The following MAN2C1 variants were observed in gnomAD, a reference collection of about 807,000 sequenced individuals.
MAN2C1 encodes the protein alpha-mannosidase 2C1.
A neutral mutation model predicts 126.9 loss-of-function variants in MAN2C1; 111 were observed. The ratio of observed to expected loss-of-function variants is 0.87; its 90% CI spans 0.75 to 1.02. The LOEUF is 1.02. Ranked by LOEUF, MAN2C1 falls within the 50% of genes least tolerant of loss-of-function variation. The pLI is 0.00. For synonymous variants in MAN2C1, 567 were observed against 561.5 expected, an observed-to-expected ratio of 1.01 and a Z score of -0.14; for missense variants, 1,363 against 1,364.4, an observed-to-expected ratio of 1.00 and a Z score of 0.02.
rs2072286303 is a variant in MAN2C1, at chr15:75,356,140, T to C, written c.2966A>G (p.His989Arg). ...GGCCTCCTGAACCGGCAGCGACAAG[T>C]GCAGCCAGCAGTCCACGTGGCTGCC... ...AHGSHVDCWL[H>R]LSLPVQEAIL... Residue 989 changes from histidine (H) to arginine (R), a missense_variant, in exon 25 of 26, where the codon CAC (histidine) becomes CGC (arginine). Coordinates refer to ENST00000267978, the MANE Select transcript of MAN2C1 (RefSeq NM_006715.4). The surrounding 1 kb of genome is among the most constrained non-coding windows in gnomAD (Gnocchi z 5.8). 1 of 1,613,672 alleles carries C rather than the reference T, an allele frequency of 6.2e-7. No homozygotes were observed. Among genetic ancestry groups the C allele is most frequent in the Non-Finnish European group, 8.5e-7 (1 of 1,179,986 alleles).
At position 75,368,079 on chromosome 15, in the gene MAN2C1, C is replaced by T. The variant is rs1346675630; in HGVS notation, c.221G>A (p.Gly74Glu). Residue 74 changes from glycine (G) to glutamate (E), a missense_variant, in exon 2 of 26, where the codon GGA (glycine) becomes GAA (glutamate). By Grantham distance (98) the Gly-to-Glu change is moderately conservative (BLOSUM62 -2). Transcript: ENST00000267978. ...FRPAQVGDSF[G>E]PTWWTCWFRV... ...CCCGCTGGGCGTTACCTACGTGGGT[C>T]CGAAGCTGTCGCCGACCTGCGCGGG... The T allele has an allele frequency of 1.2e-6, 2 of 1,606,650 alleles. No individual in the cohort carries two copies. The highest frequency in any genetic ancestry group is 2.2e-5 in the East Asian group (1 of 44,652).
At chr15:75,363,873 G>C (rs916034225) in intron 6 of MAN2C1, 126 bp downstream of exon 6, 3 of 1,030,056 alleles carry the variant, frequency 2.9e-6, no homozygotes, top group Non-Finnish European at 2.8e-6. Flanking sequence ...CCGTTTTACA[G>C]ACGGGGAAAA....
In MAN2C1 at chr15:75,359,714, C is replaced by T. The variant is rs764139426; in HGVS notation, c.1854G>A (p.Glu618=). 2 of 1,614,158 alleles carry T rather than the reference C, an allele frequency of 1.2e-6. No homozygotes were observed. The highest frequency in any genetic ancestry group is 2.2e-5 in the South Asian group (2 of 91,090). The part of the protein sequence containing the change: ...SAAAAALCAG[E]PGPEGLLIVN... ...CGATGAGGAGGCCCTCAGGACCTGG[C>T]TCCCCAGCACACAGGGCTGCGGCTG... is the stretch of plus-strand genomic sequence containing the variant. The change falls in exon 16 of 26, where the codon GAG becomes GAA. Residue 618 remains glutamate, a synonymous_variant. Coordinates refer to ENST00000267978, the MANE Select transcript of MAN2C1 (RefSeq NM_006715.4).
chr15:75,358,617 T>C lies in MAN2C1; in HGVS notation c.2248A>G (p.Lys750Glu), dbSNP rs979580705. Residue 750 changes from lysine to glutamate, a missense_variant and splice_region_variant, in exon 20 of 26, where the codon AAG becomes GAG. Coordinates refer to ENST00000267978, the MANE Select transcript of MAN2C1 (RefSeq NM_006715.4). ...DVMDYHLETRKPVLGQAGTLA... is the reference protein window; with the variant it reads ...DVMDYHLETREPVLGQAGTLA... ...GTCCCTGCCTGGCCCAGCACAGGCT[T>C]CCTATGGGACAGGGGTGGACATACT... is the stretch of plus-strand genomic sequence containing the variant. 1.2e-6 allele frequency: 2 copies of C among 1,612,944 alleles called. No individual in the cohort carries two copies. Among genetic ancestry groups the C allele is most frequent in the South Asian group, 1.1e-5 (1 of 91,026 alleles).
chr15:75,361,186 C>A lies in MAN2C1; in HGVS notation c.1320G>T (p.Leu440=). Residue 440 remains leucine, a synonymous_variant, in exon 12 of 26, where the codon CTG becomes CTT. Transcript: ENST00000267978. The surrounding 1 kb of genome is among the most constrained non-coding windows in gnomAD (Gnocchi z 5.0). ...YGMQGSVEEV[L]KTVANNRDKG... ...TGTCCCGGTTGTTGGCCACGGTCTT[C>A]AGCACCTAGACAGGTGAGGGCAGGC... 1.2e-5 allele frequency: 20 copies of A among 1,612,250 alleles called. No individual in the cohort carries two copies. Among genetic ancestry groups the A allele is most frequent in the Non-Finnish European group, 1.7e-5 (20 of 1,179,420 alleles).
chr15:75,362,354 AG>A lies in MAN2C1; in HGVS notation c.996del (p.Trp333GlyfsTer15). ...CRGQFVPVGG[T>X]WVEMDGNLPS... ...CCCAGTGCACTTACCATCTCCACCC[AG>A]GTGCCCCCCACAGGCACAAACTGCC... On this transcript the variant is annotated frameshift_variant, in exon 8 of 26. Coordinates refer to ENST00000267978, the MANE Select transcript of MAN2C1 (RefSeq NM_006715.4). LOFTEE classifies it high-confidence loss of function. This position sits in a 1 kb window ranked among gnomAD's most constrained non-coding sequence, Gnocchi z 4.5. 1 of 1,613,800 alleles carries A rather than the reference AG, an allele frequency of 6.2e-7. No homozygotes were observed. The highest frequency in any genetic ancestry group is 8.5e-7 in the Non-Finnish European group (1 of 1,179,902).
chr15:75,358,452 C>G lies in MAN2C1; in HGVS notation c.2403+10G>C. On this transcript the variant is annotated intron_variant, in intron 20 of 25. Coordinates refer to ENST00000267978, the MANE Select transcript of MAN2C1 (RefSeq NM_006715.4). ...TTGGGGAAAACAGCCACCCCCTACC[C>G]CCCGACTACCTCGGTGTGGAAGCGG... is the stretch of plus-strand genomic sequence containing the variant. The G allele has an allele frequency of 6.2e-7, 1 of 1,613,384 alleles. No individual in the cohort carries two copies. Among genetic ancestry groups the G allele is most frequent in the Non-Finnish European group, 8.5e-7 (1 of 1,179,828 alleles).
At chr15:75,366,057 A>C (rs1032932251) in intron 4 of MAN2C1, 11 of 332,306 alleles carry the variant, frequency 3.3e-5, no homozygotes, top group Non-Finnish European at 3.5e-5. Context: ...ACTGTACTCC[A>C]GCATCGGCGA....
In MAN2C1 at chr15:75,362,515, T is replaced by A; in HGVS notation, c.898-62A>T. On this transcript the variant is annotated intron_variant, in intron 7 of 25. Transcript: ENST00000267978. This position sits in a 1 kb window ranked among gnomAD's most constrained non-coding sequence, Gnocchi z 4.5. The stretch of plus-strand genomic sequence containing the variant: ...CAAGGGCCCCACCCAGGACTGAGCA[T>A]ATGGGACTCAGTGTGTGGCTGAGGG... The A allele has an allele frequency of 6.6e-7, 1 of 1,518,798 alleles. No homozygotes were observed. The highest frequency in any genetic ancestry group is 1.2e-5 in the South Asian group (1 of 85,912). 94.1% of individuals were successfully genotyped at this position (1,518,798 alleles called of 1,614,324 possible).
chr15:75,367,575 TC>T lies in MAN2C1; in HGVS notation c.286del (p.Glu96LysfsTer24). 6.2e-7 allele frequency: 1 copy of T among 1,614,194 alleles called. No homozygotes were observed. The highest frequency in any genetic ancestry group is 8.5e-7 in the Non-Finnish European group (1 of 1,180,040). On this transcript the variant is annotated frameshift_variant, in exon 3 of 26. Coordinates refer to ENST00000267978, the MANE Select transcript of MAN2C1 (RefSeq NM_006715.4). LOFTEE classifies it high-confidence loss of function. ...ATCACTTTCCCAGCAAAGGTGAACT[TC>T]CTGGCCCACCCATGCCTCTGGGATG... is the stretch of plus-strand genomic sequence containing the variant. The part of the protein sequence containing the change: ...LTIPEAWVGQ[E>X]VHLCWESDGE...
rs748279013 is a variant in MAN2C1 at position 75,366,602 on chromosome 15, AG to A, written c.352-11del. The A allele has an allele frequency of 3.7e-6, 6 of 1,605,056 alleles. No homozygotes were observed. The highest frequency in any genetic ancestry group is 1.3e-5 in the African/African-American group (1 of 74,648). ...CCTCTTTGGTTAAACCCTAGTAGGG[AG>A]GGGAGTGAGAGAGACAAGGCTTGAG... On this transcript the variant is annotated splice_polypyrimidine_tract_variant and intron_variant, in intron 3 of 25. Coordinates refer to ENST00000267978, the MANE Select transcript of MAN2C1 (RefSeq NM_006715.4).
chr15:75,364,066 G>C lies in MAN2C1; in HGVS notation c.723C>G (p.Phe241Leu). 6.2e-7 allele frequency: 1 copy of C among 1,614,194 alleles called. No homozygotes were observed. Among genetic ancestry groups the C allele is most frequent in the Non-Finnish European group, 8.5e-7 (1 of 1,180,024 alleles). The change falls in exon 6 of 26, where the codon TTC (phenylalanine) becomes TTG (leucine). Residue 241 changes from phenylalanine (F) to leucine (L), a missense_variant. Phe to Leu is a conservative substitution (Grantham distance 22, BLOSUM62 0). Transcript: ENST00000267978. ...FPVAQALASR[F>L]FGQHGGESQH... is the part of the protein sequence containing the mutation. ...GGCTTTCACCCCCATGTTGGCCAAA[G>C]AACCTGGAGGCCAGGGCCTGGGCCA...
At position 75,361,205 on chromosome 15, in the gene MAN2C1, G is replaced by A. The variant is rs2072461012; in HGVS notation, c.1315-14C>T. ...GGTCTTCAGCACCTAGACAGGTGAG[G>A]GCAGGCCAGCATGGATCAGCCTGGA... is the stretch of plus-strand genomic sequence containing the variant. On this transcript the variant is annotated splice_polypyrimidine_tract_variant and intron_variant, in intron 11 of 25. Coordinates refer to ENST00000267978, the MANE Select transcript of MAN2C1 (RefSeq NM_006715.4). This position sits in a 1 kb window ranked among gnomAD's most constrained non-coding sequence, Gnocchi z 5.0. 6.2e-7 allele frequency: 1 copy of A among 1,609,560 alleles called. No homozygotes were observed. Among genetic ancestry groups the A allele is most frequent in the Non-Finnish European group, 8.5e-7 (1 of 1,178,454 alleles).
At chr15:75,360,765 A>C (rs1396336896) in intron 12 of MAN2C1, 77 bp from the exon 13 acceptor site, 2 of 1,564,504 alleles carry the variant, frequency 1.3e-6, no homozygotes, top group African/African-American at 2.7e-5. Context: ...AAAGCAAAGG[A>C]TCCAGCTCCT....
chr15:75,363,630 A>C, intron 6 of MAN2C1: 1 of 330,138 alleles, frequency 3.0e-6, no homozygotes, highest in Non-Finnish European at 5.8e-6. Context: ...ACGTGGTGAA[A>C]CCCCGTCTCT....
Position 75,356,997 on chromosome 15 carries a change from T to G in MAN2C1, c.2548-95A>C. The G allele has an allele frequency of 2.0e-6, 2 of 997,530 alleles. No homozygotes were observed. The highest frequency in any genetic ancestry group is 1.4e-5 in the South Asian group (1 of 69,370). The allele number at this position is 997,530 out of a possible 1,614,324, so 61.8% of individuals were successfully genotyped here. A position where few individuals can be genotyped will look rare whatever the true frequency, so the allele number is the denominator to read the frequency against. ...CTGTCACTAGGCCGAGCACAAGCTCTAGAACCACACAACTGAACTCCAGCT... is the reference window on the plus strand; with the variant it reads ...CTGTCACTAGGCCGAGCACAAGCTCGAGAACCACACAACTGAACTCCAGCT... On this transcript the variant is annotated intron_variant, in intron 21 of 25. Transcript: ENST00000267978. The surrounding 1 kb of genome is among the most constrained non-coding windows in gnomAD (Gnocchi z 5.8).
Position 75,361,232 on chromosome 15 carries a change from C to T in MAN2C1, c.1315-41G>A, listed in dbSNP as rs1429648270. ...CAGGCCAGCATGGATCAGCCTGGAA[C>T]AAGCCAGCCCTCTCCAGCCTGCCCC... On this transcript the variant is annotated intron_variant, in intron 11 of 25. Coordinates refer to ENST00000267978, the MANE Select transcript of MAN2C1 (RefSeq NM_006715.4). The surrounding 1 kb of genome is among the most constrained non-coding windows in gnomAD (Gnocchi z 5.0). 2 of 1,598,548 alleles carry T rather than the reference C, an allele frequency of 1.3e-6. No individual in the cohort carries two copies. Among genetic ancestry groups the T allele is most frequent in the Admixed American group, 1.8e-5 (1 of 56,666 alleles).
Position 75,361,065 on chromosome 15 carries a change from T to C in MAN2C1, c.1441A>G (p.Asn481Asp), listed in dbSNP as rs755045734. The C allele has an allele frequency of 1.9e-6, 3 of 1,611,266 alleles. No homozygotes were observed. The highest frequency in any genetic ancestry group is 2.2e-5 in the South Asian group (2 of 90,360). The change falls in exon 12 of 26, where the codon AAT becomes GAT. Residue 481 changes from asparagine (N) to aspartate (D), a missense_variant. Coordinates refer to ENST00000267978, the MANE Select transcript of MAN2C1 (RefSeq NM_006715.4). This position sits in a 1 kb window ranked among gnomAD's most constrained non-coding sequence, Gnocchi z 5.0. ...TMLDRLKRLS[N>D]TDGLPRVQLS... is the part of the protein sequence containing the mutation. ...CCTGACCTGGGCAGCCCATCCGTAT[T>C]GCTCAGGCGCTTCAGGCGGTCCAGC...
Position 75,359,061 on chromosome 15 carries a change from G to A in MAN2C1, c.2139C>T (p.Gly713=). 1 of 1,613,766 alleles carries A rather than the reference G, an allele frequency of 6.2e-7. No individual in the cohort carries two copies. Among genetic ancestry groups the A allele is most frequent in the Non-Finnish European group, 8.5e-7 (1 of 1,179,924 alleles). Residue 713 remains glycine (G), a splice_region_variant and synonymous_variant, in exon 18 of 26, where the codon GGC becomes GGT. Transcript: ENST00000267978. ...RLTSLVLVAS[G]REAIAEGAVG... ...AAAGGGCAATGAGGATTTGGCACCT[G>A]CCAGAGGCCACCAGGACCAAGGACG...
Sources: allele counts gnomAD v4.1 joint callset, GRCh38; gene constraint gnomAD v4.1.1; non-coding constraint Gnocchi (gnomAD v3.1); transcripts MANE v1.5; gene names NCBI Gene and HGNC (gene_info 2026-07-23, HGNC 2026-07-21).